DCAF6: variants seen among roughly 807,000 people sequenced by gnomAD.
DCAF6 encodes the protein DDB1 and CUL4 associated factor 6.
In DCAF6, 54 loss-of-function variants were observed where a neutral mutation model predicts 125.1. The ratio of observed to expected loss-of-function variants is 0.43; its 90% CI spans 0.35 to 0.54. The LOEUF is 0.54. Ranked by LOEUF, DCAF6 falls within the 20% of genes least tolerant of loss-of-function variation. The pLI, the probability that DCAF6 is intolerant of heterozygous loss-of-function variation, is 0.01. For synonymous variants in DCAF6, 371 were observed against 390.4 expected (o/e 0.95, Z 0.58); for missense variants, 934 against 1,161.7 (o/e 0.80, Z 2.85).
the DCAF6 span, among the ~76,000 whole-genome samples, chr1:167,898,593 CG>C: frequency 1.0e-4 from 4 of 38,980 alleles, no homozygotes; most frequent in Admixed American, 1.6e-3. Flanking sequence ...AGCGAGACTC[CG>C]TTTTTTTTTT....
intron 12 of DCAF6, among the ~76,000 whole-genome samples, chr1:168,028,837 A>G (rs1056454276): frequency 2.0e-5 from 3 of 152,118 alleles, no homozygotes; most frequent in Non-Finnish European, 2.9e-5. Flanking sequence ...AATTTTTATT[A>G]AATAAATATC....
At chr1:167,951,104 T>G (rs1673862792) in intron 1 of DCAF6, among the ~76,000 whole-genome samples, 2 of 152,234 alleles carry the variant, frequency 1.3e-5, no homozygotes, top group South Asian at 4.1e-4. Flanking sequence ...TTACACCGAT[T>G]ATTGTTTTTC....
At chr1:168,029,732 G>T (rs1686809700) in intron 12 of DCAF6, among the ~76,000 whole-genome samples, 1 of 152,174 alleles carries the variant, frequency 6.6e-6, no homozygotes, top group African/African-American at 2.4e-5. Flanking sequence ...TGTAATCCCA[G>T]TACTTTGGGA....
At chr1:167,954,223 C>T (rs780083529) in intron 2 of DCAF6, among the ~76,000 whole-genome samples, 1 of 151,954 alleles carries the variant, frequency 6.6e-6, no homozygotes, top group Non-Finnish European at 1.5e-5. Context: ...CTAGGCTGGC[C>T]TCGAACTCCT....
At chr1:168,014,385 T>A (rs1331415886) in intron 10 of DCAF6, among the ~76,000 whole-genome samples, 2 of 152,232 alleles carry the variant, frequency 1.3e-5, no homozygotes, top group Non-Finnish European at 2.9e-5. Context: ...GCTCTCTCTC[T>A]GGCTTTTCCT....
At position 168,004,703 on chromosome 1, in the gene DCAF6, A is replaced by C; in HGVS notation, c.1288A>C (p.Ser430Arg). The C allele has an allele frequency of 6.2e-7, 1 of 1,614,048 alleles. No individual in the cohort carries two copies. The highest frequency in any genetic ancestry group is 8.5e-7 in the Non-Finnish European group (1 of 1,179,932). Reference sequence around the variant, plus strand: ...TCATTCGACATCATCTCCCACAGAAAGCCCTCATTCTACTCCTTTGCTATC... The same window carrying C: ...TCATTCGACATCATCTCCCACAGAACGCCCTCATTCTACTCCTTTGCTATC... ...QAHSTSSPTE[S>R]PHSTPLLSSP... The change falls in exon 10 of 22, where the codon AGC becomes CGC. Residue 430 changes from serine (S) to arginine (R), a missense_variant. This residue lies in a region of DCAF6 where 559 missense variants were observed against 635.5 expected (regional missense o/e 0.88). Transcript: ENST00000367840.
chr1:168,048,945 A>G (rs1689478034), intron 16 of DCAF6, among the ~76,000 whole-genome samples: 2 of 152,250 alleles, frequency 1.3e-5, no homozygotes, highest in African/African-American at 4.8e-5. Context: ...GAGAAATCAA[A>G]CTATAGTCTG....
At chr1:167,980,175 A>G (rs1304371862) in intron 4 of DCAF6, among the ~76,000 whole-genome samples, 2 of 152,182 alleles carry the variant, frequency 1.3e-5, no homozygotes, top group Non-Finnish European at 2.9e-5. Context: ...GTGAGACTCC[A>G]TCTCAGAAAT....
chr1:167,935,589 T>C (rs1671103328), upstream of DCAF6: 4 of 666,138 alleles, frequency 6.0e-6, no homozygotes, highest in African/African-American at 5.4e-5. Context: ...ATGCACAGGC[T>C]AGGAGAGTAG....
At chr1:167,913,505 C>T in the DCAF6 span, among the ~76,000 whole-genome samples, 6 of 152,196 alleles carry the variant, frequency 3.9e-5, no homozygotes, top group Non-Finnish European at 8.8e-5. Flanking sequence ...TATTGTGGCT[C>T]TTAATGTCTA....
chr1:167,991,044 G>A (rs915275524), intron 5 of DCAF6, among the ~76,000 whole-genome samples, 160 bp from the exon 6 acceptor site: 10 of 152,084 alleles, frequency 6.6e-5, no homozygotes, highest in African/African-American at 2.4e-4. Context: ...CGAAAAAAAA[G>A]TTAAAAGAAA....
chr1:168,062,812 A>C (rs1025697328), intron 17 of DCAF6, among the ~76,000 whole-genome samples: 3 of 152,032 alleles, frequency 2.0e-5, no homozygotes, highest in African/African-American at 7.2e-5. Context: ...TCATTTCTTA[A>C]GAGAGTAAAA....
the DCAF6 span, among the ~76,000 whole-genome samples, chr1:167,912,822 C>T: frequency 6.6e-5 from 10 of 152,362 alleles, no homozygotes; most frequent in Admixed American, 4.6e-4. Flanking sequence ...TAGGTTGCCT[C>T]ATTTAATCAT....
intron 4 of DCAF6, among the ~76,000 whole-genome samples, chr1:167,986,897 A>C (rs934473688): frequency 1.4e-4 from 21 of 152,236 alleles, no homozygotes; most frequent in African/African-American, 5.1e-4. Flanking sequence ...GGCATATCTA[A>C]AATATTGTAC....
chr1:168,033,477 G>A (rs924852922), intron 12 of DCAF6, among the ~76,000 whole-genome samples: 7 of 151,764 alleles, frequency 4.6e-5, no homozygotes, highest in Non-Finnish European at 1.0e-4. Flanking sequence ...CACCGCGCCC[G>A]GCTAATTTTT....
intron 13 of DCAF6, among the ~76,000 whole-genome samples, chr1:168,041,056 C>G (rs559348900): frequency 6.6e-6 from 1 of 152,022 alleles, no homozygotes; most frequent in South Asian, 2.1e-4. Flanking sequence ...TTGAATCTCT[C>G]TAAATCTCAG....
intron 2 of DCAF6, among the ~76,000 whole-genome samples, chr1:167,960,400 G>A (rs967304420): frequency 1.3e-5 from 2 of 152,110 alleles, no homozygotes; most frequent in African/African-American, 4.8e-5. Context: ...CTGGGTTCAA[G>A]TGATTCTCCT....
chr1:167,922,457 A>T, the DCAF6 span, among the ~76,000 whole-genome samples: 1 of 152,154 alleles, frequency 6.6e-6, no homozygotes, highest in Non-Finnish European at 1.5e-5. Flanking sequence ...TAATGATTGA[A>T]TACTTCAGCA....
the DCAF6 span, among the ~76,000 whole-genome samples, chr1:167,866,927 C>CA: frequency 6.6e-6 from 1 of 152,158 alleles, no homozygotes; most frequent in Non-Finnish European, 1.5e-5. Flanking sequence ...CCTGTTAGCA[C>CA]AAGAAGCAGA....
Sources: gnomAD v4.1 joint callset for allele counts (sites outside exome capture counted in the v4.1 genomes callset) on GRCh38, gnomAD v4.1.1 for gene constraint, gnomAD v4.1.1 regional missense constraint, MANE v1.5 for transcripts, NCBI Gene and HGNC (gene_info 2026-07-23, HGNC 2026-07-21) for gene names.